Variants in DTX2 observed in about 807,000 individuals in gnomAD.
DTX2 encodes probable E3 ubiquitin-protein ligase DTX2.
In DTX2, 29 loss-of-function variants were observed where a neutral mutation model predicts 55.3. That is an observed-to-expected ratio of 0.52 (90% CI 0.39 to 0.71). The LOEUF is 0.71. DTX2 is among the 30% of genes least tolerant of loss of function. The pLI is 0.00. For synonymous variants in DTX2, 276 were observed against 340.4 expected, an observed-to-expected ratio of 0.81 and a Z score of 2.08; for missense variants, 537 against 822.5, an observed-to-expected ratio of 0.65 and a Z score of 4.25.
chr7:76,483,170 G>A (rs1638073), intron 4 of DTX2, 23 bp downstream of exon 4: 369,472 of 1,582,706 alleles, frequency 0.23, 22,080 homozygotes, highest in Middle Eastern at 0.33. Context: ...ACGGCCGCTC[G>A]TTTTGTCTGC....
chr7:76,491,291 C>T, intron 4 of DTX2, among the ~76,000 whole-genome samples: 1 of 140,526 alleles, frequency 7.1e-6, no homozygotes, highest in Non-Finnish European at 1.5e-5. Context: ...CCACTGCACC[C>T]AGCCATTTTT....
At chr7:76,503,332 C>G (rs1159936791) in intron 8 of DTX2, 94 bp from the exon 9 acceptor site, 9 of 1,415,376 alleles carry the variant, frequency 6.4e-6, no homozygotes, top group Non-Finnish European at 5.7e-6. Flanking sequence ...GGTGGCCAGC[C>G]CATTCCCGGG....
At chr7:76,475,346 A>T (rs1297008823) in intron 2 of DTX2, among the ~76,000 whole-genome samples, 1 of 151,584 alleles carries the variant, frequency 6.6e-6, no homozygotes, top group African/African-American at 2.4e-5. Context: ...TTGATCATTA[A>T]AAAGTTATAT....
At position 76,502,516 on chromosome 7, in the gene DTX2, C is replaced by T. The variant is rs1316513991; in HGVS notation, c.1389+60C>T. 1.2e-5 allele frequency: 19 copies of T among 1,563,256 alleles called. No individual in the cohort carries two copies. The Admixed American group carries it at 1.4e-4, about 12-fold the overall frequency. ...CCGCCCCCACAGTCCTGAGCTGTCC[C>T]CTGCAGGGGCGGGAGGGTTCCGGGG... is the stretch of plus-strand genomic sequence containing the variant. On this transcript the variant is annotated intron_variant, in intron 8 of 10. Transcript: ENST00000430490.
chr7:76,502,468 G>A lies in DTX2; in HGVS notation c.1389+12G>A. ...GCAACGGCAATAAGGTGCCCCCACTGGCCCAGGGCGGAGGCGGGTGGCCCG... is the reference window on the plus strand; with the variant it reads ...GCAACGGCAATAAGGTGCCCCCACTAGCCCAGGGCGGAGGCGGGTGGCCCG... On this transcript the variant is annotated intron_variant, in intron 8 of 10. Coordinates refer to ENST00000430490, the MANE Select transcript of DTX2 (RefSeq NM_001102594.3). 6.2e-7 allele frequency: 1 copy of A among 1,609,324 alleles called. No individual in the cohort carries two copies.
chr7:76,488,683 T>G (rs1276354448), intron 4 of DTX2, among the ~76,000 whole-genome samples: 8 of 72,716 alleles, frequency 1.1e-4, no homozygotes, highest in Admixed American at 4.1e-4. Context: ...ATCACTTGAG[T>G]TCAGGAGTTC....
At chr7:76,485,667 TG>T (rs1454221542) in intron 4 of DTX2, among the ~76,000 whole-genome samples, 1 of 2,730 alleles carries the variant, frequency 3.7e-4, no homozygotes, top group Non-Finnish European at 7.7e-4. Flanking sequence ...TTAGAGGTGC[TG>T]GGACTTCTGT....
In DTX2 at chr7:76,480,722, G is replaced by A. The variant is rs550961162; in HGVS notation, c.213G>A (p.Ser71=). 2.2e-5 allele frequency: 35 copies of A among 1,613,330 alleles called. No homozygotes were observed. Among genetic ancestry groups the A allele is most frequent in the East Asian group, 1.6e-4 (7 of 44,872 alleles). ...HSIPLGQADP[S]LAPYIIDLPS... is the part of the protein sequence containing the mutation. The stretch of plus-strand genomic sequence containing the variant: ...TCCCCTTGGGCCAGGCAGACCCCTC[G>A]CTGGCCCCTTACATTATTGACCTCC... Residue 71 remains serine, a synonymous_variant, in exon 3 of 11, where the codon TCG becomes TCA. Transcript: ENST00000430490.
chr7:76,495,921 G>A (rs1810885776), intron 5 of DTX2, among the ~76,000 whole-genome samples: 1 of 100,922 alleles, frequency 9.9e-6, no homozygotes, highest in African/African-American at 4.7e-5. Flanking sequence ...GGGCAGCGCA[G>A]AGGCACCAGA....
intron 2 of DTX2, among the ~76,000 whole-genome samples, chr7:76,469,370 T>C (rs1807606992): frequency 6.7e-6 from 1 of 149,722 alleles, no homozygotes; most frequent in Non-Finnish European, 1.5e-5. Context: ...ATTTTTTTTT[T>C]TTTTTTTTTT....
rs756977113 is a variant in DTX2, at chr7:76,483,080, C to A, written c.841C>A (p.Arg281Ser). Residue 281 changes from arginine to serine, a missense_variant, in exon 4 of 11, where the codon CGC becomes AGC. Around this residue, in one of 7 missense-constraint regions of DTX2, gnomAD observed 301 missense variants for 396.6 expected, o/e 0.76. Coordinates refer to ENST00000430490, the MANE Select transcript of DTX2 (RefSeq NM_001102594.3). ...PPSLGSQPLY[R>S]SSLSHLGPQH... ...TTCCCTGGGGAGCCAGCCCCTCTAC[C>A]GCTCCAGCCTCTCCCACCTGGGACC... is the stretch of plus-strand genomic sequence containing the variant. The A allele has an allele frequency of 3.7e-6, 6 of 1,612,892 alleles. No homozygotes were observed. Among genetic ancestry groups the A allele is most frequent in the Non-Finnish European group, 5.1e-6 (6 of 1,179,776 alleles).
In DTX2 at chr7:76,505,519, A is replaced by G. The variant is rs1437826126; in HGVS notation, c.1787A>G (p.Tyr596Cys). 1.9e-6 allele frequency: 3 copies of G among 1,609,822 alleles called. No individual in the cohort carries two copies. The highest frequency in any genetic ancestry group is 2.5e-6 in the Non-Finnish European group (3 of 1,178,326). Residue 596 changes from tyrosine (Y) to cysteine (C), a missense_variant, in exon 11 of 11, where the codon TAT (tyrosine) becomes TGT (cysteine). By Grantham distance (194) the Tyr-to-Cys change is radical (BLOSUM62 -2). Around this residue, in one of 7 missense-constraint regions of DTX2, gnomAD observed 59 missense variants for 54.1 expected, o/e 1.09. Transcript: ENST00000430490. This position sits in a 1 kb window ranked among gnomAD's most constrained non-coding sequence, Gnocchi z 4.4. ...GACCGCAACATTACGGGCCACGGCT[A>G]TCCCGACCCCAACTACCTGCAGAAC... is the stretch of plus-strand genomic sequence containing the variant. ...EMDRNITGHG[Y>C]PDPNYLQNVL...
At chr7:76,482,044 G>A (rs1233324202) in intron 3 of DTX2, among the ~76,000 whole-genome samples, 1 of 152,112 alleles carries the variant, frequency 6.6e-6, no homozygotes, top group African/African-American at 2.4e-5. Context: ...TGTGAAAACT[G>A]TGGCTGTCAG....
intron 5 of DTX2, among the ~76,000 whole-genome samples, chr7:76,494,653 A>C (rs1810726066): frequency 9.2e-6 from 1 of 108,590 alleles, no homozygotes; most frequent in Non-Finnish European, 1.9e-5. Flanking sequence ...TTGCTCTCAG[A>C]GCAATCCTGG....
intron 6 of DTX2, among the ~76,000 whole-genome samples, chr7:76,498,633 G>A (rs1363050583): frequency 5.6e-5 from 7 of 125,832 alleles, no homozygotes; most frequent in Non-Finnish European, 9.7e-5. Flanking sequence ...AGGCTCACCC[G>A]GAGATGGCTC....
chr7:76,492,249 C>T lies in DTX2; in HGVS notation c.1005C>T (p.Leu335=), dbSNP rs762712606. ...AGCCCAGCAGAGTCCAGCAGGCGCT[C>T]GCAGGTAGGTGCCTGACCTCGGGCT... ...MPKPSRVQQA[L]AGMTSVLMSA... is the part of the protein sequence containing the mutation. The change falls in exon 5 of 11, where the codon CTC becomes CTT. Residue 335 remains leucine (L), a synonymous_variant. Transcript: ENST00000430490. 1.0e-5 allele frequency: 10 copies of T among 995,842 alleles called. 3 individuals carry two copies. The African/African-American group carries it at 2.3e-4, about 23-fold the overall frequency. 61.7% of individuals were successfully genotyped at this position (995,842 alleles called of 1,614,324 possible). A position where few individuals can be genotyped will look rare whatever the true frequency, so the allele number is the denominator to read the frequency against.
chr7:76,483,520 G>T (rs1809561833), intron 4 of DTX2, among the ~76,000 whole-genome samples: 1 of 152,080 alleles, frequency 6.6e-6, no homozygotes, highest in South Asian at 2.1e-4. Context: ...CAGGCCCTAA[G>T]GACCCAGAGA....
At chr7:76,479,898 G>T (rs1440410044) in intron 2 of DTX2, among the ~76,000 whole-genome samples, 1 of 150,720 alleles carries the variant, frequency 6.6e-6, no homozygotes, top group Non-Finnish European at 1.5e-5. Context: ...TTTCTTCATG[G>T]GCCTGTGCGG....
At chr7:76,495,405 G>A (rs941715466) in intron 5 of DTX2, among the ~76,000 whole-genome samples, 8 of 151,870 alleles carry the variant, frequency 5.3e-5, no homozygotes, top group African/African-American at 1.9e-4. Flanking sequence ...TCCCAGATGG[G>A]TGGAGAAAAA....
Sources: gnomAD v4.1 joint callset for allele counts (sites outside exome capture counted in the v4.1 genomes callset) on GRCh38, gnomAD v4.1.1 for gene constraint, gnomAD v4.1.1 regional missense constraint, Gnocchi (gnomAD v3.1) non-coding constraint, MANE v1.5 for transcripts, NCBI Gene and HGNC (gene_info 2026-07-23, HGNC 2026-07-21) for gene names.